STRN: variants seen among roughly 807,000 people sequenced by gnomAD.
STRN encodes striatin, also known as protein phosphatase 2 regulatory subunit B'''alpha.
STRN carries 53 observed loss-of-function variants against 96.3 expected under a neutral mutation model. The ratio of observed to expected loss-of-function variants is 0.55; its 90% CI spans 0.44 to 0.69. The LOEUF is 0.69. Among genes scored for constraint, STRN ranks in the 30% least tolerant of loss-of-function variants. The pLI is 0.00. For synonymous variants in STRN, 428 were observed against 355.9 expected, an observed-to-expected ratio of 1.20 and a Z score of -2.28; for missense variants, 987 against 963.9, an observed-to-expected ratio of 1.02 and a Z score of -0.32.
In STRN at chr2:36,921,398, CCTT is replaced by C. The variant is rs139333699; in HGVS notation, c.338+3704_338+3706del. On this transcript the variant is annotated intron_variant, in intron 2 of 17. Transcript: ENST00000263918. The stretch of plus-strand genomic sequence containing the variant: ...TCAAATATTTCTACTTCCTGTCACT[CCTT>C]CTAGTTCTCTCTTGTTTCCCCAATA... 1.1e-3 allele frequency among the ~76,000 whole-genome samples: 165 copies of C among 152,202 alleles called. 2 individuals are homozygous for C. In the East Asian group the frequency reaches 0.031, roughly 29 times the overall value.
intron 1 of STRN, among the ~76,000 whole-genome samples, chr2:36,960,425 T>C (rs1013018878): frequency 2.0e-5 from 3 of 152,328 alleles, no homozygotes; most frequent in South Asian, 2.1e-4. Context: ...ATGGCACTTG[T>C]ATGCTCCAGC....
At chr2:36,881,730 C>A (rs1471126544) in intron 9 of STRN, among the ~76,000 whole-genome samples, 1 of 152,140 alleles carries the variant, frequency 6.6e-6, no homozygotes, top group East Asian at 1.9e-4. Flanking sequence ...TGCTTTTGTA[C>A]ATCTGTCATT....
At chr2:36,854,337 C>T (rs1668292350) in intron 15 of STRN, among the ~76,000 whole-genome samples, 1 of 152,122 alleles carries the variant, frequency 6.6e-6, no homozygotes, top group South Asian at 2.1e-4. Context: ...AATTTATTTT[C>T]CTGTCTCTCT....
In STRN at chr2:36,902,932, A is replaced by C. The variant is rs893709830; in HGVS notation, c.492-181T>G. 1.5e-5 allele frequency: 6 copies of C among 398,478 alleles called. 1 individual carries two copies. 24.7% of individuals were successfully genotyped at this position (398,478 alleles called of 1,614,324 possible). On this transcript the variant is annotated intron_variant, in intron 4 of 17. Transcript: ENST00000263918. The stretch of plus-strand genomic sequence containing the variant: ...TGCAGATGGAGCTGTCTCTTGCAGT[A>C]CCAGCCTCTACAGTCACTGAGAAAA...
At chr2:36,964,924 A>G (rs971977452) in intron 1 of STRN, among the ~76,000 whole-genome samples, 1 of 152,214 alleles carries the variant, frequency 6.6e-6, no homozygotes, top group Non-Finnish European at 1.5e-5. Flanking sequence ...GTGCTGAATA[A>G]AATACATGAT....
chr2:36,913,777 C>G (rs1202448014), intron 3 of STRN, among the ~76,000 whole-genome samples: 1 of 152,112 alleles, frequency 6.6e-6, no homozygotes, highest in East Asian at 1.9e-4. Flanking sequence ...CTGAGAATAA[C>G]TAGGTATTGT....
intron 1 of STRN, among the ~76,000 whole-genome samples, chr2:36,955,177 G>A (rs562712836): frequency 6.6e-5 from 10 of 152,304 alleles, no homozygotes; most frequent in African/African-American, 2.4e-4. Context: ...AAAAGGAGAG[G>A]ATATGGTATA....
intron 15 of STRN, among the ~76,000 whole-genome samples, chr2:36,853,040 C>A (rs1276866788): frequency 6.6e-6 from 1 of 152,066 alleles, no homozygotes; most frequent in Non-Finnish European, 1.5e-5. Context: ...GCCTGTGGTC[C>A]CAGCTACTTG....
chr2:36,885,193 A>G, intron 8 of STRN, among the ~76,000 whole-genome samples: 1 of 152,282 alleles, frequency 6.6e-6, no homozygotes, highest in South Asian at 2.1e-4. Context: ...CAATGCCTTG[A>G]TATTTGACAA....
At chr2:36,899,686 A>G in intron 5 of STRN, 28 bp from the exon 6 acceptor site, 1 of 1,547,220 alleles carries the variant, frequency 6.5e-7, no homozygotes, top group African/African-American at 1.4e-5. Context: ...TATCCTGCTT[A>G]GTTAATCTTT....
chr2:36,940,912 G>A (rs1670830000), intron 1 of STRN, among the ~76,000 whole-genome samples: 1 of 151,892 alleles, frequency 6.6e-6, no homozygotes, highest in South Asian at 2.1e-4. Flanking sequence ...CAGCACTTTG[G>A]GAGGCCAAGG....
At position 36,842,245 on chromosome 2, in the gene STRN, T is replaced by C. The variant is rs1667970432; in HGVS notation, c.*7211A>G. 1 of 152,170 alleles carries C rather than the reference T, an allele frequency of 6.6e-6. No homozygotes were observed. 9.4% of individuals were successfully genotyped at this position (152,170 alleles called of 1,614,324 possible). Reference sequence around the variant, plus strand: ...GGCATATTTAATTGTGGATGATGGGTTTCCCTACCATTACCCTTAATTTGA... The same window carrying C: ...GGCATATTTAATTGTGGATGATGGGCTTCCCTACCATTACCCTTAATTTGA... On this transcript the variant is annotated 3_prime_UTR_variant, in exon 18 of 18. Coordinates refer to ENST00000263918, the MANE Select transcript of STRN (RefSeq NM_003162.4).
intron 6 of STRN, among the ~76,000 whole-genome samples, chr2:36,894,432 T>C (rs374938755): frequency 1.3e-5 from 2 of 152,208 alleles, no homozygotes; most frequent in East Asian, 3.8e-4. Context: ...CTAACTTAGA[T>C]TTAACAACAA....
chr2:36,865,313 G>A (rs1668593280), intron 12 of STRN, among the ~76,000 whole-genome samples: 1 of 152,098 alleles, frequency 6.6e-6, no homozygotes, highest in African/African-American at 2.4e-5. Flanking sequence ...TGTGGGGTTG[G>A]TGGTAATATT....
intron 4 of STRN, among the ~76,000 whole-genome samples, chr2:36,904,028 A>G (rs191240832): frequency 3.5e-4 from 53 of 152,308 alleles, no homozygotes; most frequent in African/African-American, 1.2e-3. Flanking sequence ...ACCTTTACTC[A>G]GAAGAGTTGA....
intron 10 of STRN, among the ~76,000 whole-genome samples, chr2:36,874,006 A>G (rs1668834300): frequency 6.6e-6 from 1 of 151,588 alleles, no homozygotes; most frequent in African/African-American, 2.4e-5. Flanking sequence ...CTATAATCCC[A>G]GCACTCTGGG....
At chr2:36,878,148 T>A in intron 9 of STRN, 121 bp from the exon 10 acceptor site, 1 of 1,082,992 alleles carries the variant, frequency 9.2e-7, no homozygotes, top group Non-Finnish European at 1.3e-6. Context: ...TAAATGCTTT[T>A]AAACACAATA....
rs1665170833 is a variant in STRN at position 36,966,516 on chromosome 2, A to G, written c.-53T>C. ...CCCGGCGCCCAGCAGCGGAGGCAAC[A>G]GCGGCGGCAAGCAGCGCCTCCTCCT... is the stretch of plus-strand genomic sequence containing the variant. On this transcript the variant is annotated 5_prime_UTR_variant, in exon 1 of 18. Transcript: ENST00000263918. 7.6e-7 allele frequency: 1 copy of G among 1,310,732 alleles called. No individual in the cohort carries two copies. Among genetic ancestry groups the G allele is most frequent in the Non-Finnish European group, 9.9e-7 (1 of 1,012,062 alleles). The allele number at this position is 1,310,732 out of a possible 1,614,324, so 81.2% of individuals were successfully genotyped here.
Position 36,905,434 on chromosome 2 carries a change from G to A in STRN, c.491+106C>T, listed in dbSNP as rs1669795824. ...TCAATTAAGCTTTTTCACAGCATCT[G>A]TATGAGATAAAATATTCATCTGACT... is the stretch of plus-strand genomic sequence containing the variant. On this transcript the variant is annotated intron_variant, in intron 4 of 17. Transcript: ENST00000263918. The A allele has an allele frequency of 1.1e-5, 11 of 987,164 alleles. No homozygotes were observed. In the South Asian group the frequency reaches 1.5e-4, roughly 14 times the overall value. 61.2% of individuals were successfully genotyped at this position (987,164 alleles called of 1,614,324 possible).
Sources: gnomAD v4.1 joint callset for allele counts (sites outside exome capture counted in the v4.1 genomes callset) on GRCh38, gnomAD v4.1.1 for gene constraint, MANE v1.5 for transcripts, NCBI Gene and HGNC (gene_info 2026-07-23, HGNC 2026-07-21) for gene names.